PSD3: variants seen among roughly 807,000 people sequenced by gnomAD.
PSD3 encodes PH and SEC7 domain-containing protein 3.
Under a neutral mutation model 105.5 loss-of-function variants are expected in PSD3, and 49 were observed. The ratio of observed to expected loss-of-function variants is 0.46; its 90% CI spans 0.37 to 0.59. The LOEUF (loss-of-function observed/expected upper bound fraction) is 0.59. Among genes scored for constraint, PSD3 ranks in the 20% least tolerant of loss-of-function variants. PSD3 has a pLI of 0.00. For missense variants in PSD3, 1,561 were observed against 1,263.8 expected (o/e 1.24, Z -3.57); for synonymous variants, 557 against 457.8 (o/e 1.22, Z -2.77).
chr8:18,868,036 T>G lies in PSD3; in HGVS notation c.1272A>C (p.Glu424Asp), dbSNP rs766648025. Residue 424 changes from glutamate to aspartate, a missense_variant, in exon 4 of 16, where the codon GAA (glutamate) becomes GAC (aspartate). By Grantham distance (45) the Glu-to-Asp change is conservative. Transcript: ENST00000327040. ...ISEQEEHVKG[E>D]DEDILGPGYT... ...ATCCAGGCCCAAGGATGTCTTCATC[T>G]TCCCCCTTAACGTGCTCCTCTTGTT... is the stretch of plus-strand genomic sequence containing the variant. The G allele has an allele frequency of 3.1e-6, 5 of 1,612,942 alleles. No individual in the cohort carries two copies. The highest frequency in any genetic ancestry group is 1.6e-4 in the Middle Eastern group (1 of 6,064).
At chr8:18,920,034 A>G (rs1211336266) in intron 2 of PSD3, among the ~76,000 whole-genome samples, 1 of 145,890 alleles carries the variant, frequency 6.9e-6, no homozygotes, top group Non-Finnish European at 1.5e-5. Flanking sequence ...AAAAAAAACA[A>G]TCACAAAAAA....
intron 9 of PSD3, among the ~76,000 whole-genome samples, chr8:18,729,287 G>A (rs964990988): frequency 6.6e-6 from 1 of 152,172 alleles, no homozygotes; most frequent in Non-Finnish European, 1.5e-5. Context: ...CTTAAGCAAT[G>A]AGCTAAGGAA....
intron 9 of PSD3, among the ~76,000 whole-genome samples, chr8:18,762,264 C>G (rs2129443057): frequency 6.6e-6 from 1 of 152,162 alleles, no homozygotes; most frequent in East Asian, 1.9e-4. Flanking sequence ...TGCAGCATCT[C>G]CTTCCTTCCT....
At chr8:18,993,302 T>C (rs755903051) in intron 1 of PSD3, among the ~76,000 whole-genome samples, 1 of 152,310 alleles carries the variant, frequency 6.6e-6, no homozygotes, top group Non-Finnish European at 1.5e-5. Context: ...TGACCTCTCC[T>C]GACATCACAT....
At chr8:18,921,268 TG>T (rs1351445177) in intron 2 of PSD3, among the ~76,000 whole-genome samples, 1 of 152,204 alleles carries the variant, frequency 6.6e-6, no homozygotes, top group Non-Finnish European at 1.5e-5. Context: ...ATGTATTAAA[TG>T]ATTCCAAAAT....
intron 8 of PSD3, among the ~76,000 whole-genome samples, chr8:18,773,017 C>T (rs999723577): frequency 2.0e-5 from 3 of 152,044 alleles, no homozygotes; most frequent in Non-Finnish European, 2.9e-5. Flanking sequence ...AAGGCACAAA[C>T]GTTTCAGTTT....
rs1256609534 is a variant in PSD3, at chr8:18,871,758, G to A, written c.1106C>T (p.Ser369Leu). 1 of 1,614,182 alleles carries A rather than the reference G, an allele frequency of 6.2e-7. No individual in the cohort carries two copies. Among genetic ancestry groups the A allele is most frequent in the Non-Finnish European group, 8.5e-7 (1 of 1,180,028 alleles). ...CCCCGAGCTAGTGCCAGGCCTCTCTGAAGGAGCTTTCCAGGATTCATCCCA... is the reference window on the plus strand; with the variant it reads ...CCCCGAGCTAGTGCCAGGCCTCTCTAAAGGAGCTTTCCAGGATTCATCCCA... ...NVWDESWKAP[S>L]ERPGTSSGTF... The change falls in exon 3 of 16, where the codon TCA becomes TTA. Residue 369 changes from serine to leucine, a missense_variant. Transcript: ENST00000327040.
chr8:18,636,199 AT>A (rs957425150), intron 10 of PSD3, among the ~76,000 whole-genome samples: 7 of 152,104 alleles, frequency 4.6e-5, no homozygotes, highest in African/African-American at 1.7e-4. Context: ...CAGCGTGTGT[AT>A]TTGTGTTCTA....
rs149655305 is a variant in PSD3 at position 18,691,559 on chromosome 8, T to G, written c.2173-35874A>C. Among the ~76,000 whole-genome samples the G allele has an allele frequency of 1.7e-3, 257 of 152,316 alleles. 1 individual carries two copies. The highest frequency in any genetic ancestry group is 2.4e-3 in the Admixed American group (37 of 15,308). ...AGGTATTCTTAATTCTAGCCCAAAGTAAACACAAAATGCAAATACAGAAAT... is the reference window on the plus strand; with the variant it reads ...AGGTATTCTTAATTCTAGCCCAAAGGAAACACAAAATGCAAATACAGAAAT... On this transcript the variant is annotated intron_variant, in intron 9 of 15. Coordinates refer to ENST00000327040, the MANE Select transcript of PSD3 (RefSeq NM_015310.4).
At chr8:18,744,411 T>A (rs1341880420) in intron 9 of PSD3, among the ~76,000 whole-genome samples, 1 of 152,226 alleles carries the variant, frequency 6.6e-6, no homozygotes, top group Non-Finnish European at 1.5e-5. Flanking sequence ...TCCATACCAC[T>A]ACTCATAACT....
chr8:18,642,263 A>G (rs1807704468), intron 10 of PSD3, among the ~76,000 whole-genome samples: 2 of 152,154 alleles, frequency 1.3e-5, no homozygotes, highest in Admixed American at 1.3e-4. Flanking sequence ...CTATTGGAAA[A>G]TTTTTAAGGG....
At chr8:18,653,678 T>C (rs1202386270) in intron 10 of PSD3, among the ~76,000 whole-genome samples, 1 of 151,870 alleles carries the variant, frequency 6.6e-6, no homozygotes, top group Non-Finnish European at 1.5e-5. Flanking sequence ...CTCCCGCCCC[T>C]CCACCCTTGG....
intron 11 of PSD3, among the ~76,000 whole-genome samples, chr8:18,622,256 G>C (rs575038002): frequency 1.3e-5 from 2 of 152,294 alleles, no homozygotes; most frequent in South Asian, 4.1e-4. Context: ...TTATTAAAGT[G>C]ATATGTCCAC....
rs560391878 is a variant in PSD3 at position 18,891,285 on chromosome 8, T to C, written c.131-18552A>G. Among the ~76,000 whole-genome samples the C allele has an allele frequency of 7.2e-5, 11 of 152,304 alleles. 1 individual carries two copies. The South Asian group carries it at 2.3e-3, about 32-fold the overall frequency. ...GAAATAATCAAATGGCTCCTTATAATATTTTATTATGTTAATTTGCATATA... is the reference window on the plus strand; with the variant it reads ...GAAATAATCAAATGGCTCCTTATAACATTTTATTATGTTAATTTGCATATA... On this transcript the variant is annotated intron_variant, in intron 2 of 15. Coordinates refer to ENST00000327040, the MANE Select transcript of PSD3 (RefSeq NM_015310.4).
chr8:18,649,789 G>T (rs1808337094), intron 10 of PSD3, among the ~76,000 whole-genome samples: 1 of 152,166 alleles, frequency 6.6e-6, no homozygotes, highest in South Asian at 2.1e-4. Flanking sequence ...TGTTCTCATG[G>T]TAGTGAGTAA....
At chr8:18,653,761 A>C (rs1271677126) in intron 10 of PSD3, among the ~76,000 whole-genome samples, 1 of 152,154 alleles carries the variant, frequency 6.6e-6, no homozygotes, top group African/African-American at 2.4e-5. Flanking sequence ...ATCTGCTGTA[A>C]CAAATTAAAA....
chr8:18,853,292 C>T (rs1321170297), intron 4 of PSD3, among the ~76,000 whole-genome samples: 3 of 152,096 alleles, frequency 2.0e-5, no homozygotes, highest in Admixed American at 2.0e-4. Flanking sequence ...CAATGCATAC[C>T]CACAAATACA....
intron 8 of PSD3, among the ~76,000 whole-genome samples, chr8:18,775,180 A>G (rs1044117950): frequency 1.3e-5 from 2 of 152,146 alleles, no homozygotes; most frequent in African/African-American, 4.8e-5. Context: ...ATTGCTACCA[A>G]TAACATAATT....
At chr8:18,629,064 C>G (rs934194470) in intron 11 of PSD3, among the ~76,000 whole-genome samples, 1 of 151,734 alleles carries the variant, frequency 6.6e-6, no homozygotes, top group African/African-American at 2.4e-5. Flanking sequence ...ATTTTAAAGA[C>G]ACAACCATAA....
Sources: gnomAD v4.1 joint callset for allele counts (sites outside exome capture counted in the v4.1 genomes callset) on GRCh38, gnomAD v4.1.1 for gene constraint, MANE v1.5 for transcripts, NCBI Gene and HGNC (gene_info 2026-07-23, HGNC 2026-07-21) for gene names.